Variants in COL19A1 observed in about 807,000 individuals in gnomAD.
COL19A1 encodes collagen type XIX alpha 1 chain, also known as collagen alpha-1(XIX) chain.
A neutral mutation model predicts 190.2 loss-of-function variants in COL19A1; 159 were observed. The ratio of observed to expected loss-of-function variants is 0.84; its 90% CI spans 0.73 to 0.95. The LOEUF is 0.95. COL19A1 is among the 40% of genes least tolerant of loss of function. The pLI is 0.00. For missense variants in COL19A1, 1,418 were observed against 1,431.9 expected (o/e 0.99, Z 0.16); for synonymous variants, 509 against 458.9 (o/e 1.11, Z -1.39).
chr6:70,139,237 A>C (rs1193070078), intron 19 of COL19A1, among the ~76,000 whole-genome samples: 1 of 152,116 alleles, frequency 6.6e-6, no homozygotes, highest in Non-Finnish European at 1.5e-5. Flanking sequence ...ATAAGCTCTC[A>C]GTAATGCTGG....
At chr6:69,917,396 A>G (rs1771374183) in intron 4 of COL19A1, among the ~76,000 whole-genome samples, 1 of 152,212 alleles carries the variant, frequency 6.6e-6, no homozygotes, top group African/African-American at 2.4e-5. Context: ...TTAAGCACTT[A>G]CTAGGACTGG....
intron 14 of COL19A1, among the ~76,000 whole-genome samples, chr6:70,067,822 A>C (rs1198607744): frequency 6.6e-6 from 1 of 152,038 alleles, no homozygotes; most frequent in Non-Finnish European, 1.5e-5. Context: ...TAAAATAAGA[A>C]TCAGGAGACT....
rs143031692 is a variant in COL19A1 at position 70,147,106 on chromosome 6, A to G, written c.1893+217A>G. Among the ~76,000 whole-genome samples, 492 of 152,288 alleles carry G rather than the reference A, an allele frequency of 3.2e-3. 2 individuals are homozygous for G. Among genetic ancestry groups the G allele is most frequent in the African/African-American group, 9.4e-3 (390 of 41,570 alleles). On this transcript the variant is annotated intron_variant, in intron 27 of 50. Coordinates refer to ENST00000620364, the MANE Select transcript of COL19A1 (RefSeq NM_001858.6). ...ACTTACAGATGCTGGTCACACATACACTAAGTTTGGATTAGAAGCAGTCAT... is the reference window on the plus strand; with the variant it reads ...ACTTACAGATGCTGGTCACACATACGCTAAGTTTGGATTAGAAGCAGTCAT...
At chr6:69,996,934 G>GTGTGTA (rs1032095640) in intron 11 of COL19A1, among the ~76,000 whole-genome samples, 16 of 148,242 alleles carry the variant, frequency 1.1e-4, no homozygotes, top group African/African-American at 3.8e-4. Context: ...GTGTGTGTGT[G>GTGTGTA]TGTGTATATA....
At chr6:69,918,973 G>T (rs530719237) in intron 4 of COL19A1, among the ~76,000 whole-genome samples, 2 of 152,130 alleles carry the variant, frequency 1.3e-5, no homozygotes, top group Non-Finnish European at 2.9e-5. Context: ...AAGGACTTAG[G>T]TATGTAAGTC....
At chr6:70,199,853 T>C in intron 49 of COL19A1, 117 bp downstream of exon 49, 2 of 889,880 alleles carry the variant, frequency 2.2e-6, no homozygotes, top group East Asian at 3.0e-5. Flanking sequence ...ACATTACATA[T>C]ATAAATATAT....
chr6:69,870,070 C>G (rs941119217), intron 1 of COL19A1, among the ~76,000 whole-genome samples: 2 of 152,210 alleles, frequency 1.3e-5, no homozygotes, highest in Admixed American at 6.5e-5. Context: ...ATTTCTCCAT[C>G]ATTCTTTTCT....
chr6:69,943,484 A>T (rs954903008), intron 9 of COL19A1, among the ~76,000 whole-genome samples: 1 of 152,078 alleles, frequency 6.6e-6, no homozygotes, highest in East Asian at 1.9e-4. Context: ...CTTTGCCTAG[A>T]CTAATGTACC....
chr6:70,186,810 T>C (rs1241600439), intron 46 of COL19A1, among the ~76,000 whole-genome samples: 3 of 152,188 alleles, frequency 2.0e-5, no homozygotes, highest in African/African-American at 7.2e-5. Flanking sequence ...TCATATCACA[T>C]TTAGGCACAT....
Position 70,208,424 on chromosome 6 carries a change from T to A in COL19A1, c.*1150T>A, listed in dbSNP as rs1442825754. ...CAAAGGAAAACCACAGGACTGGATATGCAACTAGTGCTCAGACCAAAGAGT... is the reference window on the plus strand; with the variant it reads ...CAAAGGAAAACCACAGGACTGGATAAGCAACTAGTGCTCAGACCAAAGAGT... On this transcript the variant is annotated 3_prime_UTR_variant, in exon 51 of 51. Coordinates refer to ENST00000620364, the MANE Select transcript of COL19A1 (RefSeq NM_001858.6). The A allele has an allele frequency of 1.3e-5, 2 of 152,264 alleles. No homozygotes were observed. Among genetic ancestry groups the A allele is most frequent in the African/African-American group, 4.8e-5 (2 of 41,462 alleles). 9.4% of individuals were successfully genotyped at this position (152,264 alleles called of 1,614,324 possible). A position where few individuals can be genotyped will look rare whatever the true frequency, so the allele number is the denominator to read the frequency against.
Position 69,988,327 on chromosome 6 carries a change from G to T in COL19A1, c.1026+25457G>T, listed in dbSNP as rs535853579. Among the ~76,000 whole-genome samples the T allele has an allele frequency of 8.5e-5, 13 of 152,198 alleles. No individual in the cohort carries two copies. The South Asian group carries it at 2.5e-3, about 29-fold the overall frequency. On this transcript the variant is annotated intron_variant, in intron 11 of 50. Transcript: ENST00000620364. ...GCACCACCATTATTAAAGTAATATAGGCCAAAAGATAAGCATTACTTAGTG... is the reference window on the plus strand; with the variant it reads ...GCACCACCATTATTAAAGTAATATATGCCAAAAGATAAGCATTACTTAGTG...
intron 15 of COL19A1, chr6:70,098,672 C>T (rs1783434927): frequency 6.7e-6 from 2 of 297,362 alleles, no homozygotes; most frequent in Admixed American, 8.3e-5. Context: ...CGATGGCGTT[C>T]CCTTCAGTAT....
At chr6:69,983,135 G>A (rs1776140920) in intron 11 of COL19A1, among the ~76,000 whole-genome samples, 1 of 151,840 alleles carries the variant, frequency 6.6e-6, no homozygotes, top group Non-Finnish European at 1.5e-5. Context: ...CCTTGCAATA[G>A]TATAGAGTCA....
chr6:69,914,634 T>C (rs1771173538), intron 4 of COL19A1, among the ~76,000 whole-genome samples: 1 of 150,696 alleles, frequency 6.6e-6, no homozygotes, highest in Non-Finnish European at 1.5e-5. Context: ...TAAATAAAGC[T>C]TGGTCTTGTT....
At chr6:69,871,013 A>G (rs934580020) in intron 1 of COL19A1, among the ~76,000 whole-genome samples, 2 of 152,090 alleles carry the variant, frequency 1.3e-5, no homozygotes, top group Non-Finnish European at 2.9e-5. Context: ...GTAGGTCATG[A>G]GGTTTCTGTA....
chr6:70,051,823 C>A (rs1037469311), intron 14 of COL19A1, among the ~76,000 whole-genome samples: 3 of 151,998 alleles, frequency 2.0e-5, no homozygotes, highest in African/African-American at 7.2e-5. Flanking sequence ...TTAATATTAT[C>A]AATAGAGACT....
At chr6:70,135,471 G>A (rs9454987) in intron 18 of COL19A1, among the ~76,000 whole-genome samples, 2,650 of 152,208 alleles carry the variant, frequency 0.017, 77 homozygotes, top group African/African-American at 0.06. Flanking sequence ...ACAAAAAGAC[G>A]CTTATTGCTT....
At chr6:70,124,032 A>G (rs978331468) in intron 17 of COL19A1, among the ~76,000 whole-genome samples, 1 of 152,086 alleles carries the variant, frequency 6.6e-6, no homozygotes, top group Non-Finnish European at 1.5e-5. Flanking sequence ...TTTAGCCATA[A>G]AAAGAATGAA....
intron 16 of COL19A1, among the ~76,000 whole-genome samples, chr6:70,112,072 T>A (rs1784316072): frequency 6.6e-6 from 1 of 152,114 alleles, no homozygotes; most frequent in South Asian, 2.1e-4. Flanking sequence ...CTAATTACAG[T>A]AAATGGAAAC....
Sources: allele counts gnomAD v4.1 joint callset (sites outside exome capture counted in the v4.1 genomes callset), GRCh38; gene constraint gnomAD v4.1.1; transcripts MANE v1.5; gene names NCBI Gene and HGNC (gene_info 2026-07-23, HGNC 2026-07-21).